KSR2: variants seen among roughly 807,000 people sequenced by gnomAD.
KSR2 encodes the protein kinase suppressor of ras 2.
Under a neutral mutation model 107.8 loss-of-function variants are expected in KSR2, and 25 were observed. The ratio of observed to expected loss-of-function variants is 0.23; its 90% CI spans 0.17 to 0.32. The LOEUF is 0.32. Ranked by LOEUF, KSR2 falls within the 10% of genes least tolerant of loss-of-function variation. The pLI is 1.00. For missense variants in KSR2, 887 were observed against 1,268.9 expected, an observed-to-expected ratio of 0.70 and a Z score of 4.57; for synonymous variants, 480 against 507.0, an observed-to-expected ratio of 0.95 and a Z score of 0.71.
At chr12:117,514,976 G>A (rs1252475310) in intron 14 of KSR2, among the ~76,000 whole-genome samples, 1 of 152,158 alleles carries the variant, frequency 6.6e-6, no homozygotes, top group Non-Finnish European at 1.5e-5. Flanking sequence ...CATTAGGAAT[G>A]TCACTCCCTT....
chr12:117,725,088 A>C (rs568334441), intron 4 of KSR2, among the ~76,000 whole-genome samples: 7 of 149,210 alleles, frequency 4.7e-5, no homozygotes, highest in Admixed American at 4.7e-4. Flanking sequence ...TCTCTCTCAC[A>C]CACACACACA....
chr12:117,576,353 C>T (rs1409281263), intron 7 of KSR2, among the ~76,000 whole-genome samples: 3 of 152,148 alleles, frequency 2.0e-5, no homozygotes, highest in Non-Finnish European at 4.4e-5. Context: ...AATCAGTCAG[C>T]CTGGAGGCCA....
intron 3 of KSR2, among the ~76,000 whole-genome samples, chr12:117,799,433 A>C (rs1593250642): frequency 1.3e-5 from 2 of 152,016 alleles, no homozygotes; most frequent in East Asian, 3.9e-4. Flanking sequence ...ACCGGGAGGC[A>C]GAGGTTGCAG....
At chr12:117,720,250 T>C (rs1255049301) in intron 4 of KSR2, among the ~76,000 whole-genome samples, 1 of 152,182 alleles carries the variant, frequency 6.6e-6, no homozygotes, top group South Asian at 2.1e-4. Flanking sequence ...TTCTTGGGTG[T>C]TGTGAAGACC....
intron 1 of KSR2, among the ~76,000 whole-genome samples, chr12:117,864,116 A>G (rs1411403837): frequency 6.6e-6 from 1 of 152,112 alleles, no homozygotes; most frequent in African/African-American, 2.4e-5. Context: ...CAAGTGGTTC[A>G]ACTCTACCTG....
At chr12:117,573,524 C>CTT (rs35130903) in intron 7 of KSR2, among the ~76,000 whole-genome samples, 20,025 of 108,242 alleles carry the variant, frequency 0.19, 2,932 homozygotes, top group African/African-American at 0.35. Flanking sequence ...CACATGTTAT[C>CTT]TTTTTTTTTT....
Position 117,902,287 on chromosome 12 carries a change from C to T in KSR2, c.181-41856G>A, listed in dbSNP as rs117442438. Among the ~76,000 whole-genome samples the T allele has an allele frequency of 2.5e-3, 374 of 152,054 alleles. 4 individuals carry two copies. In the East Asian group the frequency reaches 0.03, roughly 12 times the overall value. ...CAGCCTGGCCAACATGGTGAAACCC[C>T]GTCTCTATAAATTTGCAAAAATTAG... On this transcript the variant is annotated intron_variant, in intron 1 of 19. Transcript: ENST00000339824.
At chr12:117,851,825 A>C (rs117662781) in intron 3 of KSR2, among the ~76,000 whole-genome samples, 1 of 151,626 alleles carries the variant, frequency 6.6e-6, no homozygotes. Context: ...CAGGAAGTGG[A>C]GTTTGCAGTG....
At chr12:117,497,309 G>A (rs535849029) in intron 14 of KSR2, among the ~76,000 whole-genome samples, 2 of 152,218 alleles carry the variant, frequency 1.3e-5, no homozygotes, top group African/African-American at 2.4e-5. Context: ...TATAATTAGG[G>A]CAATAGAGAA....
intron 1 of KSR2, among the ~76,000 whole-genome samples, chr12:117,936,588 G>A (rs542123976): frequency 7.3e-5 from 11 of 149,812 alleles, no homozygotes; most frequent in Non-Finnish European, 1.3e-4. Flanking sequence ...ACAGGGTCTC[G>A]CTTTGTTGCT....
chr12:117,454,189 T>C lies in KSR2; in HGVS notation c.*13010A>G, dbSNP rs959323899. On this transcript the variant is annotated 3_prime_UTR_variant, in exon 20 of 20. Transcript: ENST00000339824. Reference sequence around the variant, plus strand: ...CAGGTATTGCGTAACGTTATTGACATTCATTATTTCATTCACTCCCTCCAA... The same window carrying C: ...CAGGTATTGCGTAACGTTATTGACACTCATTATTTCATTCACTCCCTCCAA... The C allele has an allele frequency of 2.6e-5, 4 of 152,204 alleles. No individual in the cohort carries two copies. Among genetic ancestry groups the C allele is most frequent in the African/African-American group, 4.8e-5 (2 of 41,450 alleles). 9.4% of individuals were successfully genotyped at this position (152,204 alleles called of 1,614,324 possible). A position where few individuals can be genotyped will look rare whatever the true frequency, so the allele number is the denominator to read the frequency against.
At chr12:117,600,187 G>A (rs1880861607) in intron 5 of KSR2, among the ~76,000 whole-genome samples, 1 of 152,156 alleles carries the variant, frequency 6.6e-6, no homozygotes, top group Non-Finnish European at 1.5e-5. Flanking sequence ...GCTCAAAGAC[G>A]GTCTGATTGC....
rs1891281798 is a variant in KSR2, at chr12:117,813,819, C to T, written c.472+41609G>A. Among the ~76,000 whole-genome samples, 3 of 152,194 alleles carry T rather than the reference C, an allele frequency of 2.0e-5. No homozygotes were observed. In the South Asian group the frequency reaches 6.2e-4, roughly 32 times the overall value. ...AACCAGCTTATCAAAGAGATGGCTACACTCTCATGTTTATTGCAGCACTAT... is the reference window on the plus strand; with the variant it reads ...AACCAGCTTATCAAAGAGATGGCTATACTCTCATGTTTATTGCAGCACTAT... On this transcript the variant is annotated intron_variant, in intron 3 of 19. Coordinates refer to ENST00000339824, the MANE Select transcript of KSR2 (RefSeq NM_173598.6).
intron 3 of KSR2, among the ~76,000 whole-genome samples, chr12:117,848,480 G>C (rs980275555): frequency 9.2e-5 from 14 of 152,226 alleles, no homozygotes; most frequent in African/African-American, 3.4e-4. Context: ...GAGAAAACTG[G>C]TTTGAGGTTT....
intron 3 of KSR2, among the ~76,000 whole-genome samples, chr12:117,777,351 A>AT (rs1325875861): frequency 1.3e-5 from 2 of 152,044 alleles, no homozygotes; most frequent in Non-Finnish European, 2.9e-5. Flanking sequence ...CTTTGGGGCC[A>AT]TTGTAAACAG....
rs566095369 is a variant in KSR2 at position 117,556,735 on chromosome 12, G to A, written c.1394-1442C>T. On this transcript the variant is annotated intron_variant, in intron 8 of 19. Coordinates refer to ENST00000339824, the MANE Select transcript of KSR2 (RefSeq NM_173598.6). ...TGAGAGGACAGGGAAGGAGGACTCA[G>A]TGTCAGATGAGCAAGTTGCTGTACC... Among the ~76,000 whole-genome samples the A allele has an allele frequency of 3.9e-5, 6 of 152,314 alleles. No homozygotes were observed. The South Asian group carries it at 1.2e-3, about 32-fold the overall frequency.
intron 17 of KSR2, among the ~76,000 whole-genome samples, chr12:117,473,660 G>A (rs2137119270): frequency 6.6e-6 from 1 of 152,272 alleles, no homozygotes; most frequent in South Asian, 2.1e-4. Flanking sequence ...TCCCTGTGCT[G>A]GGTACCTTAC....
chr12:117,761,218 G>A lies in KSR2; in HGVS notation c.779C>T (p.Thr260Ile). ...PSPRQRHAVR[T>I]PPRTPNIVTT... ...GACGATGTTGGGGGTGCGCGGCGGG[G>A]TGCGGACCGCGTGCCGCTGCCGGGG... Residue 260 changes from threonine to isoleucine, a missense_variant, in exon 4 of 20, where the codon ACC (threonine) becomes ATC (isoleucine). Coordinates refer to ENST00000339824, the MANE Select transcript of KSR2 (RefSeq NM_173598.6). 1.9e-6 allele frequency: 3 copies of A among 1,555,958 alleles called. No individual in the cohort carries two copies. Among genetic ancestry groups the A allele is most frequent in the East Asian group, 2.3e-5 (1 of 44,138 alleles).
intron 4 of KSR2, among the ~76,000 whole-genome samples, chr12:117,731,570 C>T (rs112487101): frequency 0.059 from 8,915 of 152,264 alleles, 298 homozygotes; most frequent in African/African-American, 0.078. Context: ...GCCATGATAA[C>T]GATGGCGGTT....
Sources: allele counts gnomAD v4.1 joint callset (sites outside exome capture counted in the v4.1 genomes callset), GRCh38; gene constraint gnomAD v4.1.1; transcripts MANE v1.5; gene names NCBI Gene and HGNC (gene_info 2026-07-23, HGNC 2026-07-21).